The following GALNT13 variants were observed in gnomAD, a reference collection of about 807,000 sequenced individuals.
GALNT13 encodes UDP-GalNAc:polypeptide N-acetylgalactosaminyltransferase 13.
GALNT13 carries 28 observed loss-of-function variants against 64.2 expected under a neutral mutation model. That is an observed-to-expected ratio of 0.44 (90% confidence interval 0.32 to 0.60). The LOEUF (loss-of-function observed/expected upper bound fraction) is 0.60. Ranked by LOEUF, GALNT13 falls within the 20% of genes least tolerant of loss-of-function variation. The probability of loss-of-function intolerance (pLI) is 0.05; values close to 1 mark genes in which losing one functional copy is unlikely to be tolerated. For synonymous variants in GALNT13, 214 were observed against 224.6 expected (o/e 0.95, Z 0.42); for missense variants, 577 against 669.8 (o/e 0.86, Z 1.53).
chr2:153,308,614 A>G, the GALNT13 span, among the ~76,000 whole-genome samples: 1 of 152,304 alleles, frequency 6.6e-6, no homozygotes, highest in South Asian at 2.1e-4. Context: ...TTGATAGCCT[A>G]GAGTTCTTGT....
At chr2:153,242,003 A>C in the GALNT13 span, among the ~76,000 whole-genome samples, 1 of 152,062 alleles carries the variant, frequency 6.6e-6, no homozygotes, top group East Asian at 1.9e-4. Context: ...CCTTGTGACC[A>C]TGTGGGGATA....
chr2:154,134,920 AG>A (rs1682861231), intron 3 of GALNT13, among the ~76,000 whole-genome samples: 1 of 152,176 alleles, frequency 6.6e-6, no homozygotes, highest in Non-Finnish European at 1.5e-5. Flanking sequence ...CAGGAGGTGG[AG>A]GTTGCAGTGA....
At chr2:154,011,537 A>G (rs974080890) in intron 3 of GALNT13, among the ~76,000 whole-genome samples, 1 of 152,114 alleles carries the variant, frequency 6.6e-6, no homozygotes, top group Admixed American at 6.6e-5. Flanking sequence ...AGAAGAATGT[A>G]TATTCTGTTG....
chr2:153,403,102 T>G, the GALNT13 span, among the ~76,000 whole-genome samples: 32 of 151,836 alleles, frequency 2.1e-4, 1 homozygote, highest in South Asian at 3.9e-3. Flanking sequence ...ACAGATGGGT[T>G]TTTGGTGTGG....
chr2:153,304,680 G>T, the GALNT13 span, among the ~76,000 whole-genome samples: 1 of 152,130 alleles, frequency 6.6e-6, no homozygotes, highest in Non-Finnish European at 1.5e-5. Context: ...CTACAGCTTT[G>T]TGATTGTTTT....
chr2:154,045,672 C>A (rs549923141), intron 3 of GALNT13, among the ~76,000 whole-genome samples: 1 of 152,270 alleles, frequency 6.6e-6, no homozygotes, highest in African/African-American at 2.4e-5. Flanking sequence ...GGAGAAGCAG[C>A]CCCTAAATTC....
At chr2:154,345,130 T>C (rs1695996632) in intron 9 of GALNT13, among the ~76,000 whole-genome samples, 1 of 152,052 alleles carries the variant, frequency 6.6e-6, no homozygotes, top group African/African-American at 2.4e-5. Context: ...AATAAGGCTT[T>C]GAAAAAGACC....
intron 2 of GALNT13, among the ~76,000 whole-genome samples, chr2:153,906,308 A>G (rs1232332056): frequency 4.0e-5 from 6 of 150,990 alleles, no homozygotes; most frequent in Admixed American, 6.6e-5. Context: ...GGTTTGTTAC[A>G]TATGTATACA....
chr2:153,158,205 G>C, the GALNT13 span, among the ~76,000 whole-genome samples: 1 of 151,854 alleles, frequency 6.6e-6, no homozygotes, highest in Non-Finnish European at 1.5e-5. Context: ...TCCCCTTAAG[G>C]TTTTATTAGT....
the GALNT13 span, among the ~76,000 whole-genome samples, chr2:153,806,076 C>T: frequency 1.3e-5 from 2 of 152,184 alleles, no homozygotes; most frequent in African/African-American, 4.8e-5. Flanking sequence ...TAGCATCTGA[C>T]ATCCAGGTAG....
In GALNT13 at chr2:154,450,563, T is replaced by C. The variant is rs777858045; in HGVS notation, c.*12T>C. ...CCTTGGGCACATGAAGATCATGTCC[T>C]CCAAGCCATGAAAGTGTCTACGCTT... On this transcript the variant is annotated 3_prime_UTR_variant, in exon 13 of 13. Transcript: ENST00000392825. 1.3e-6 allele frequency: 2 copies of C among 1,580,324 alleles called. No homozygotes were observed. The highest frequency in any genetic ancestry group is 1.4e-5 in the African/African-American group (1 of 73,490).
chr2:154,374,024 T>G (rs1258957623), intron 9 of GALNT13, among the ~76,000 whole-genome samples: 1 of 152,228 alleles, frequency 6.6e-6, no homozygotes, highest in Non-Finnish European at 1.5e-5. Flanking sequence ...ACTTGTCAAC[T>G]GAGACAGTTC....
At chr2:154,104,843 A>G (rs1185225996) in intron 3 of GALNT13, among the ~76,000 whole-genome samples, 1 of 152,192 alleles carries the variant, frequency 6.6e-6, no homozygotes, top group Non-Finnish European at 1.5e-5. Flanking sequence ...CAGAATGGGT[A>G]CACAACCAGT....
At chr2:154,098,793 A>C (rs1702200148) in intron 3 of GALNT13, among the ~76,000 whole-genome samples, 1 of 152,062 alleles carries the variant, frequency 6.6e-6, no homozygotes, top group Admixed American at 6.6e-5. Context: ...TGGGGTATAT[A>C]TACCACATTT....
chr2:153,182,613 C>G, the GALNT13 span, among the ~76,000 whole-genome samples: 3 of 152,116 alleles, frequency 2.0e-5, no homozygotes, highest in African/African-American at 7.2e-5. Context: ...TCCCCACAAC[C>G]CCTGACTGAC....
intron 11 of GALNT13, among the ~76,000 whole-genome samples, chr2:154,411,312 G>GCACACA (rs1295243108): frequency 1.5e-5 from 1 of 65,568 alleles, no homozygotes; most frequent in African/African-American, 5.5e-5. Flanking sequence ...ATACTTAATT[G>GCACACA]CACATACACA....
chr2:153,912,212 T>G (rs1574097746), intron 2 of GALNT13, among the ~76,000 whole-genome samples: 2 of 152,192 alleles, frequency 1.3e-5, no homozygotes, highest in Non-Finnish European at 2.9e-5. Flanking sequence ...TTACTTGCTA[T>G]TGCGTTATGA....
the GALNT13 span, among the ~76,000 whole-genome samples, chr2:153,345,641 T>TTCTTTCTG: frequency 3.9e-5 from 4 of 101,574 alleles, no homozygotes; most frequent in Admixed American, 1.2e-4. Flanking sequence ...TTCTTTTTCT[T>TTCTTTCTG]TCTTTCTTTC....
At chr2:153,360,117 C>A in the GALNT13 span, among the ~76,000 whole-genome samples, 28 of 152,180 alleles carry the variant, frequency 1.8e-4, no homozygotes, top group Admixed American at 1.8e-3. Flanking sequence ...TCAGGACTGA[C>A]TAGGCAGCTG....
Sources: gnomAD v4.1 joint callset for allele counts (sites outside exome capture counted in the v4.1 genomes callset) on GRCh38, gnomAD v4.1.1 for gene constraint, MANE v1.5 for transcripts, NCBI Gene and HGNC (gene_info 2026-07-23, HGNC 2026-07-21) for gene names.